The following SRGAP3 variants were observed in gnomAD, a reference collection of about 807,000 sequenced individuals.
SRGAP3 encodes SLIT-ROBO Rho GTPase activating protein 3, also known as SLIT-ROBO Rho GTPase-activating protein 3.
Under a neutral mutation model 121.1 loss-of-function variants are expected in SRGAP3, and 39 were observed. The observed-to-expected ratio is 0.32, with a 90% CI of 0.25 to 0.42. The LOEUF is 0.42. Ranked by LOEUF, SRGAP3 falls within the 10% of genes least tolerant of loss-of-function variation. SRGAP3 has a pLI of 1.00. For synonymous variants in SRGAP3, 601 were observed against 570.0 expected, an observed-to-expected ratio of 1.05 and a Z score of -0.77; for missense variants, 1,213 against 1,470.6, an observed-to-expected ratio of 0.82 and a Z score of 2.86.
chr3:9,304,521 G>A (rs979049485), intron 3 of SRGAP3, among the ~76,000 whole-genome samples: 3 of 152,178 alleles, frequency 2.0e-5, no homozygotes, highest in Non-Finnish European at 4.4e-5. Flanking sequence ...AGCAGCCCTG[G>A]TGGGTAGGTA....
intron 3 of SRGAP3, among the ~76,000 whole-genome samples, chr3:9,082,733 C>T (rs1947299850): frequency 6.6e-6 from 1 of 152,212 alleles, no homozygotes; most frequent in African/African-American, 2.4e-5. Context: ...AAAGAACAGC[C>T]TTCCTCTCAC....
At chr3:9,301,299 C>T (rs188696042) in intron 3 of SRGAP3, among the ~76,000 whole-genome samples, 21 of 152,326 alleles carry the variant, frequency 1.4e-4, no homozygotes, top group South Asian at 2.1e-4. Context: ...GCATTACATC[C>T]GGGATGGCCC....
intron 3 of SRGAP3, among the ~76,000 whole-genome samples, chr3:9,275,754 G>A (rs1954561779): frequency 6.6e-6 from 1 of 152,144 alleles, no homozygotes. Context: ...ACGTGGAACT[G>A]TGAGTCCATT....
intron 10 of SRGAP3, among the ~76,000 whole-genome samples, chr3:9,046,603 G>A (rs1945291990): frequency 6.6e-6 from 1 of 152,176 alleles, no homozygotes; most frequent in African/African-American, 2.4e-5. Flanking sequence ...GGTCCCTCGA[G>A]GGCCAAACCC....
intron 1 of SRGAP3, among the ~76,000 whole-genome samples, chr3:9,360,114 G>A (rs1053138323): frequency 5.9e-5 from 9 of 152,094 alleles, no homozygotes; most frequent in African/African-American, 1.9e-4. Context: ...ATTTTTTGTA[G>A]AGACAGGTCT....
chr3:9,265,950 T>G (rs966740368), intron 3 of SRGAP3, among the ~76,000 whole-genome samples: 2 of 152,202 alleles, frequency 1.3e-5, no homozygotes, highest in Non-Finnish European at 2.9e-5. Flanking sequence ...CTATTCACGA[T>G]AGCAAAGACT....
chr3:9,069,463 G>A (rs1242801438), intron 4 of SRGAP3, among the ~76,000 whole-genome samples: 3 of 152,172 alleles, frequency 2.0e-5, no homozygotes, highest in Non-Finnish European at 2.9e-5. Flanking sequence ...CCATCCACTT[G>A]ATGCCAGGGA....
intron 1 of SRGAP3, among the ~76,000 whole-genome samples, chr3:9,187,444 CTT>C: frequency 6.6e-6 from 1 of 152,210 alleles, no homozygotes; most frequent in East Asian, 1.9e-4. Context: ...GCTCCACATC[CTT>C]TCTCTCTCCA....
chr3:9,190,059 G>A (rs1951706158), intron 1 of SRGAP3, among the ~76,000 whole-genome samples: 1 of 152,182 alleles, frequency 6.6e-6, no homozygotes. Flanking sequence ...ACACACAAGA[G>A]TGGTCAAGTA....
At chr3:9,330,043 T>C (rs2125285722) in intron 2 of SRGAP3, among the ~76,000 whole-genome samples, 1 of 152,344 alleles carries the variant, frequency 6.6e-6, no homozygotes, top group Admixed American at 6.5e-5. Flanking sequence ...AAGACTTCGC[T>C]GCCTCCCAGG....
intron 1 of SRGAP3, among the ~76,000 whole-genome samples, chr3:9,231,256 C>A (rs1271491803): frequency 6.6e-6 from 1 of 152,194 alleles, no homozygotes; most frequent in East Asian, 1.9e-4. Context: ...GGGGGGCATT[C>A]CCGTTTCTTG....
chr3:9,028,232 G>A (rs1944309124), intron 12 of SRGAP3: 11 of 1,511,330 alleles, frequency 7.3e-6, no homozygotes, highest in East Asian at 4.6e-5. Flanking sequence ...GTCCGTGAAC[G>A]CCGAAATGCA....
At chr3:9,069,402 C>T (rs1238888285) in intron 4 of SRGAP3, among the ~76,000 whole-genome samples, 1 of 152,152 alleles carries the variant, frequency 6.6e-6, no homozygotes, top group Non-Finnish European at 1.5e-5. Context: ...AGGAGCTCAG[C>T]TGAGGCCAAG....
intron 1 of SRGAP3, among the ~76,000 whole-genome samples, chr3:9,167,584 G>A (rs139493384): frequency 6.6e-6 from 1 of 152,144 alleles, no homozygotes; most frequent in South Asian, 2.1e-4. Flanking sequence ...GCAGGAAGTT[G>A]GGACCGCATT....
chr3:9,232,544 T>TAC lies in SRGAP3; in HGVS notation c.67+16339_67+16340dup, dbSNP rs1169591392. ...TAATACATACACACACAGACACACA[T>TAC]ACACACACACACTTTGGGTGTTATT... On this transcript the variant is annotated intron_variant, in intron 1 of 21. Transcript: ENST00000383836. Among the ~76,000 whole-genome samples, 11 of 151,984 alleles carry TAC rather than the reference T, an allele frequency of 7.2e-5. No individual in the cohort carries two copies. The East Asian group carries it at 1.2e-3, about 16-fold the overall frequency.
At chr3:9,259,692 T>C (rs1035006175) in intron 3 of SRGAP3, among the ~76,000 whole-genome samples, 1 of 152,172 alleles carries the variant, frequency 6.6e-6, no homozygotes, top group Non-Finnish European at 1.5e-5. Context: ...GAGAATATTC[T>C]GCATCGGTGA....
intron 1 of SRGAP3, among the ~76,000 whole-genome samples, chr3:9,163,714 G>A (rs987451279): frequency 2.6e-5 from 4 of 152,194 alleles, no homozygotes; most frequent in Non-Finnish European, 5.9e-5. Flanking sequence ...GCAACAGGTT[G>A]TAGAAATAAG....
intron 1 of SRGAP3, among the ~76,000 whole-genome samples, chr3:9,152,304 C>A: frequency 6.6e-6 from 1 of 152,314 alleles, no homozygotes; most frequent in Middle Eastern, 3.4e-3. Flanking sequence ...CTCCCTCCAG[C>A]GACTGGACCA....
At chr3:9,272,975 G>A (rs1361877756) in intron 3 of SRGAP3, among the ~76,000 whole-genome samples, 3 of 152,182 alleles carry the variant, frequency 2.0e-5, no homozygotes, top group Admixed American at 6.6e-5. Flanking sequence ...ATCCTAATGG[G>A]TGTAAGGTTG....
Sources: gnomAD v4.1 joint callset for allele counts (sites outside exome capture counted in the v4.1 genomes callset) on GRCh38, gnomAD v4.1.1 for gene constraint, MANE v1.5 for transcripts, NCBI Gene and HGNC (gene_info 2026-07-23, HGNC 2026-07-21) for gene names.